Variants in HMGN1 observed in about 807,000 individuals in gnomAD.
HMGN1 encodes non-histone chromosomal protein HMG-14.
In HMGN1, 9 loss-of-function variants were observed where a neutral mutation model predicts 18.4. The ratio of observed to expected loss-of-function variants is 0.49; its 90% CI spans 0.29 to 0.85. The LOEUF is 0.85. HMGN1 is among the 40% of genes least tolerant of loss of function. The pLI is 0.07. For synonymous variants in HMGN1, 59 were observed against 45.0 expected (o/e 1.31, Z -1.24); for missense variants, 151 against 119.2 (o/e 1.27, Z -1.24).
Position 39,345,135 on chromosome 21 carries a change from ACAC to A in HMGN1, c.255+8_255+10del, listed in dbSNP as rs777108966. On this transcript the variant is annotated splice_region_variant and intron_variant, in intron 5 of 5. Transcript: ENST00000380749. The stretch of plus-strand genomic sequence containing the variant: ...CACACACACACACACACACACACAC[ACAC>A]TTCTGACCTCCTCAGTCTTCGTTTC... 6.4e-7 allele frequency: 1 copy of A among 1,551,624 alleles called. No individual in the cohort carries two copies. The highest frequency in any genetic ancestry group is 8.7e-7 in the Non-Finnish European group (1 of 1,147,800).
chr21:39,345,914 G>T (rs892389526), intron 4 of HMGN1: 2 of 1,301,966 alleles, frequency 1.5e-6, no homozygotes, highest in African/African-American at 3.0e-5. Context: ...GGAACTAAAA[G>T]GATCAGTTTT....
intron 4 of HMGN1, 79 bp downstream of exon 4, chr21:39,348,213 A>T (rs971769305): frequency 2.0e-6 from 3 of 1,537,506 alleles, no homozygotes; most frequent in African/African-American, 1.4e-5. Flanking sequence ...TCCAATAGCT[A>T]ATCAAAATGG....
At chr21:39,345,058 T>A (rs2036994163) in intron 5 of HMGN1, 88 bp downstream of exon 5, 1 of 1,413,120 alleles carries the variant, frequency 7.1e-7, no homozygotes, top group South Asian at 1.5e-5. Flanking sequence ...AATACTGTTA[T>A]CTGCTACAAA....
rs1234115651 is a variant in HMGN1, at chr21:39,348,976, T to A, written c.-59A>T. The A allele has an allele frequency of 2.0e-5, 24 of 1,204,472 alleles. 1 individual carries two copies. The highest frequency in any genetic ancestry group is 6.6e-4 in the Middle Eastern group (2 of 3,038). The allele number at this position is 1,204,472 out of a possible 1,614,324, so 74.6% of individuals were successfully genotyped here. A position where few individuals can be genotyped will look rare whatever the true frequency, so the allele number is the denominator to read the frequency against. ...GCGGGGAAGGCGCGTGCCGGGTGCCTGCGGGCCGCGGCGCGCCGACAGCCT... is the reference window on the plus strand; with the variant it reads ...GCGGGGAAGGCGCGTGCCGGGTGCCAGCGGGCCGCGGCGCGCCGACAGCCT... On this transcript the variant is annotated 5_prime_UTR_variant, in exon 1 of 6. Coordinates refer to ENST00000380749, the MANE Select transcript of HMGN1 (RefSeq NM_004965.7).
At position 39,343,151 on chromosome 21, in the gene HMGN1, G is replaced by A. The variant is rs143824090; in HGVS notation, c.264C>T (p.Ala88=). Residue 88 remains alanine, a synonymous_variant, in exon 6 of 6, where the codon GCC becomes GCT. Coordinates refer to ENST00000380749, the MANE Select transcript of HMGN1 (RefSeq NM_004965.7). ...NGETKTEESP[A]SDEAGEKEAK... is the part of the protein sequence containing the mutation. ...CTTCTTTCTCTCCTGCTTCATCAGA[G>A]GCTGGACTCTGCAAAAGAAAGGAAA... 1.2e-4 allele frequency: 192 copies of A among 1,597,788 alleles called. No individual in the cohort carries two copies. Among genetic ancestry groups the A allele is most frequent in the Middle Eastern group, 5.0e-4 (3 of 5,992 alleles).
At chr21:39,346,909 C>T (rs952801387) in intron 4 of HMGN1, 2 of 152,196 alleles carry the variant, frequency 1.3e-5, no homozygotes, top group Non-Finnish European at 2.9e-5. Context: ...CATCTGATGT[C>T]CCAAACCCAC....
chr21:39,349,027 T>G lies in HMGN1; in HGVS notation c.-110A>C. Reference sequence around the variant, plus strand: ...TCGCGAAACTGGGCTGCCTTGCCGCTGCCACTCCTCCCGCCGCCCGAGCTG... The same window carrying G: ...TCGCGAAACTGGGCTGCCTTGCCGCGGCCACTCCTCCCGCCGCCCGAGCTG... On this transcript the variant is annotated 5_prime_UTR_variant, in exon 1 of 6. Coordinates refer to ENST00000380749, the MANE Select transcript of HMGN1 (RefSeq NM_004965.7). 8.8e-7 allele frequency: 1 copy of G among 1,140,612 alleles called. No homozygotes were observed. The allele number at this position is 1,140,612 out of a possible 1,614,324, so 70.7% of individuals were successfully genotyped here.
intron 1 of HMGN1, 30 bp downstream of exon 1, chr21:39,348,860 CGGCGGCTCCAGGG>C: frequency 6.5e-6 from 7 of 1,083,050 alleles, no homozygotes; most frequent in Non-Finnish European, 7.9e-6. Context: ...GGGGCGCCGG[CGGCGGCTCCAGGG>C]GGCGTGTGCG....
chr21:39,345,109 TCACACACACACACA>T (rs3067492), intron 5 of HMGN1, 23 bp downstream of exon 5: 200 of 1,411,122 alleles, frequency 1.4e-4, no homozygotes, highest in Non-Finnish European at 1.9e-4. Context: ...GTCAAAGCAA[TCACACACACACACA>T]CACACACACA....
intron 4 of HMGN1, chr21:39,345,973 T>C (rs1471141783): frequency 7.7e-7 from 1 of 1,295,606 alleles, no homozygotes; most frequent in East Asian, 5.6e-5. Context: ...AAAGCACAGG[T>C]ATTAATATGA....
At position 39,349,053 on chromosome 21, in the gene HMGN1, C is replaced by A; in HGVS notation, c.-136G>T. 1 of 994,014 alleles carries A rather than the reference C, an allele frequency of 1.0e-6. No homozygotes were observed. The highest frequency in any genetic ancestry group is 1.3e-6 in the Non-Finnish European group (1 of 787,268). 61.6% of individuals were successfully genotyped at this position (994,014 alleles called of 1,614,324 possible). ...GCCACTCCTCCCGCCGCCCGAGCTG[C>A]TGAGACCCACAGCGGGGGCGGTGGG... On this transcript the variant is annotated 5_prime_UTR_variant, in exon 1 of 6. Coordinates refer to ENST00000380749, the MANE Select transcript of HMGN1 (RefSeq NM_004965.7).
At chr21:39,345,012 G>A (rs898225436) in intron 5 of HMGN1, 134 bp downstream of exon 5, 20 of 1,052,776 alleles carry the variant, frequency 1.9e-5, no homozygotes, top group Non-Finnish European at 2.2e-5. Context: ...CAATCACTTT[G>A]GGATACCGTA....
At chr21:39,347,301 G>T in intron 4 of HMGN1, 2 of 963,354 alleles carry the variant, frequency 2.1e-6, no homozygotes, top group Non-Finnish European at 1.3e-6. Context: ...TTCTGTTAAA[G>T]AAAACATAGT....
intron 5 of HMGN1, 38 bp downstream of exon 5, chr21:39,345,108 A>AACACACACAC (rs1569004986): frequency 1.8e-6 from 1 of 560,094 alleles, no homozygotes; most frequent in Admixed American, 5.1e-5. Context: ...AGTCAAAGCA[A>AACACACACAC]TCACACACAC....
At chr21:39,347,464 G>C in intron 4 of HMGN1, 1 of 1,295,072 alleles carries the variant, frequency 7.7e-7, no homozygotes, top group Non-Finnish European at 1.0e-6. Flanking sequence ...GATGACTGCA[G>C]TGCTAAACTT....
At position 39,348,273 on chromosome 21, in the gene HMGN1, T is replaced by A. The variant is rs2037131958; in HGVS notation, c.126+19A>T. 1 of 1,613,762 alleles carries A rather than the reference T, an allele frequency of 6.2e-7. No homozygotes were observed. The highest frequency in any genetic ancestry group is 1.7e-5 in the Admixed American group (1 of 60,006). ...AGCCTAAGGCCCCGCTGCATCCCAA[T>A]GCGCGTTTCGAGGCTTACCTTCGCT... On this transcript the variant is annotated intron_variant, in intron 4 of 5. Coordinates refer to ENST00000380749, the MANE Select transcript of HMGN1 (RefSeq NM_004965.7).
intron 4 of HMGN1, chr21:39,346,947 T>C (rs1249137557): frequency 3.3e-5 from 5 of 152,110 alleles, no homozygotes; most frequent in African/African-American, 1.2e-4. Context: ...ACTGTTTTCA[T>C]TAAAAAATTC....
Position 39,342,892 on chromosome 21 carries a change from T to C in HMGN1, c.*220A>G. ...CCCATAATTCAATATCCCACACTAT[T>C]TTCTGGTTGTACCAAAAAATAAACA... is the stretch of plus-strand genomic sequence containing the variant. On this transcript the variant is annotated 3_prime_UTR_variant, in exon 6 of 6. Transcript: ENST00000380749. The C allele has an allele frequency of 7.2e-7, 1 of 1,390,182 alleles. No individual in the cohort carries two copies. The highest frequency in any genetic ancestry group is 1.2e-5 in the South Asian group (1 of 80,202). 86.1% of individuals were successfully genotyped at this position (1,390,182 alleles called of 1,614,324 possible). A position where few individuals can be genotyped will look rare whatever the true frequency, so the allele number is the denominator to read the frequency against.
chr21:39,346,835 G>T (rs1225765074), intron 4 of HMGN1: 1 of 152,118 alleles, frequency 6.6e-6, no homozygotes, highest in Non-Finnish European at 1.5e-5. Context: ...TGGGAAAACT[G>T]ACCTCATAGG....
Sources: allele counts gnomAD v4.1 joint callset, GRCh38; gene constraint gnomAD v4.1.1; transcripts MANE v1.5; gene names NCBI Gene and HGNC (gene_info 2026-07-23, HGNC 2026-07-21).